Variants in DUOX1 observed in about 807,000 individuals in gnomAD.
DUOX1 encodes dual oxidase 1.
A neutral mutation model predicts 181.8 loss-of-function variants in DUOX1; 134 were observed. The ratio of observed to expected loss-of-function variants is 0.74; its 90% CI spans 0.64 to 0.85. The LOEUF (loss-of-function observed/expected upper bound fraction) is 0.85. Ranked by LOEUF, DUOX1 falls within the 40% of genes least tolerant of loss-of-function variation. The pLI is 0.00. For synonymous variants in DUOX1, 798 were observed against 832.5 expected, an observed-to-expected ratio of 0.96 and a Z score of 0.71; for missense variants, 1,814 against 2,064.4, an observed-to-expected ratio of 0.88 and a Z score of 2.35.
chr15:45,162,451 C>T, intron 31 of DUOX1, 74 bp downstream of exon 31: 1 of 1,548,558 alleles, frequency 6.5e-7, no homozygotes, highest in South Asian at 1.2e-5. Flanking sequence ...GTGCCTTTCT[C>T]CTCTGCCTTT....
chr15:45,158,798 G>C (rs1897028491), intron 28 of DUOX1, among the ~76,000 whole-genome samples: 1 of 151,642 alleles, frequency 6.6e-6, no homozygotes. Context: ...CAGCAGAAGG[G>C]GAGACTCTAA....
In DUOX1 at chr15:45,135,812, C is replaced by T; in HGVS notation, c.728C>T (p.Pro243Leu). The change falls in exon 7 of 34, where the codon CCC becomes CTC. Residue 243 changes from proline (P) to leucine (L), a missense_variant. By Grantham distance (98) the Pro-to-Leu change is moderately conservative (BLOSUM62 -3). Transcript: ENST00000389037. The stretch of plus-strand genomic sequence containing the variant: ...GGGGCAGAGAGAGGGAACCGGGAAC[C>T]CTTCCTGCAGGCGCTGGGCCTGCTC... ...AFGAERGNREPFLQALGLLWF... is the reference protein window; with the variant it reads ...AFGAERGNRELFLQALGLLWF... The T allele has an allele frequency of 6.9e-7, 1 of 1,445,734 alleles. No homozygotes were observed. Among genetic ancestry groups the T allele is most frequent in the Non-Finnish European group, 9.3e-7 (1 of 1,080,160 alleles). 89.6% of individuals were successfully genotyped at this position (1,445,734 alleles called of 1,614,324 possible).
chr15:45,157,861 G>T (rs1166118459), intron 28 of DUOX1, among the ~76,000 whole-genome samples: 2 of 151,852 alleles, frequency 1.3e-5, no homozygotes, highest in Non-Finnish European at 2.9e-5. Context: ...AAAGGTGGAG[G>T]CCTCTATGCT....
chr15:45,142,450 G>A (rs1389165661), intron 15 of DUOX1, among the ~76,000 whole-genome samples: 1 of 152,174 alleles, frequency 6.6e-6, no homozygotes, highest in Non-Finnish European at 1.5e-5. Flanking sequence ...CTAAGACGGG[G>A]CGCGGTGGCT....
intron 10 of DUOX1, 160 bp from the exon 11 acceptor site, chr15:45,138,906 G>A (rs1896410850): frequency 3.1e-6 from 2 of 644,260 alleles, no homozygotes; most frequent in Non-Finnish European, 5.3e-6. Context: ...CACCCTGAGT[G>A]GGGAATCAAC....
chr15:45,162,499 T>C (rs1897134826), intron 31 of DUOX1, 122 bp downstream of exon 31: 1 of 1,341,590 alleles, frequency 7.5e-7, no homozygotes, highest in East Asian at 2.4e-5. Context: ...GGCAAGTTGG[T>C]TTGAAACCTG....
chr15:45,164,062 G>T (rs1024627741), intron 33 of DUOX1, 144 bp downstream of exon 33: 8 of 1,306,788 alleles, frequency 6.1e-6, no homozygotes, highest in Non-Finnish European at 8.4e-6. Context: ...GGAATGGAAA[G>T]GATAGGTGGG....
Position 45,152,996 on chromosome 15 carries a change from G to A in DUOX1, c.3425-384G>A, listed in dbSNP as rs1368611229. 8 of 294,566 alleles carry A rather than the reference G, an allele frequency of 2.7e-5. No homozygotes were observed. The East Asian group carries it at 5.1e-4, about 19-fold the overall frequency. The allele number at this position is 294,566 out of a possible 1,614,324, so 18.2% of individuals were successfully genotyped here. On this transcript the variant is annotated intron_variant, in intron 25 of 33. Transcript: ENST00000389037. Reference sequence around the variant, plus strand: ...AGCACTTTGGGAAGCTGAGGCGGGCGGATCACTTGAGGTCAGGAGTTCGAG... The same window carrying A: ...AGCACTTTGGGAAGCTGAGGCGGGCAGATCACTTGAGGTCAGGAGTTCGAG...
intron 24 of DUOX1, 110 bp downstream of exon 24, chr15:45,152,162 G>A (rs1038367593): frequency 1.3e-6 from 2 of 1,485,672 alleles, no homozygotes; most frequent in African/African-American, 2.8e-5. Context: ...AGTGGAGCCT[G>A]TCTGAGTGAA....
intron 1 of DUOX1, 184 bp from the exon 2 acceptor site, chr15:45,131,734 T>C (rs767136341): frequency 1.2e-5 from 7 of 578,546 alleles, no homozygotes; most frequent in Non-Finnish European, 1.8e-5. Flanking sequence ...GGCTGGTATG[T>C]AGTGGTGCTC....
chr15:45,153,600 G>C, intron 26 of DUOX1, 121 bp downstream of exon 26: 1 of 1,066,532 alleles, frequency 9.4e-7, no homozygotes, highest in Non-Finnish European at 1.4e-6. Context: ...CTCCAGAGGA[G>C]ACTGTCACCT....
intron 26 of DUOX1, 193 bp from the exon 27 acceptor site, chr15:45,153,758 G>A (rs551438647): frequency 3.6e-5 from 23 of 636,666 alleles, no homozygotes; most frequent in East Asian, 2.2e-4. Context: ...ATGGTGGTGC[G>A]TGCCTGTAAT....
At chr15:45,161,657 G>A in intron 29 of DUOX1, 81 bp from the exon 30 acceptor site, 1 of 1,248,956 alleles carries the variant, frequency 8.0e-7, no homozygotes, top group Non-Finnish European at 1.2e-6. Context: ...GCAGAGCTGA[G>A]GCTGTGGGTG....
intron 28 of DUOX1, among the ~76,000 whole-genome samples, chr15:45,158,480 G>A (rs1461794140): frequency 5.3e-5 from 8 of 151,918 alleles, no homozygotes; most frequent in Non-Finnish European, 8.8e-5. Context: ...AGGCTGAGGC[G>A]GGTGGATTAC....
At chr15:45,155,473 G>A in intron 27 of DUOX1, 1 of 263,578 alleles carries the variant, frequency 3.8e-6, no homozygotes, top group Non-Finnish European at 7.2e-6. Context: ...GGCCGAGGCA[G>A]AAGAATCATT....
Position 45,163,641 on chromosome 15 carries a change from A to G in DUOX1, c.4358A>G (p.Tyr1453Cys). ...DHQDLVSVHI[Y>C]ITQLAEKFDL... Reference sequence around the variant, plus strand: ...CAGGACCTGGTGTCTGTGCACATCTACATCACCCAGCTGGCTGAGAAGTTC... The same window carrying G: ...CAGGACCTGGTGTCTGTGCACATCTGCATCACCCAGCTGGCTGAGAAGTTC... The change falls in exon 32 of 34, where the codon TAC (tyrosine) becomes TGC (cysteine). Residue 1453 changes from tyrosine (Y) to cysteine (C), a missense_variant. Transcript: ENST00000389037. 6.2e-7 allele frequency: 1 copy of G among 1,614,086 alleles called. No individual in the cohort carries two copies. Among genetic ancestry groups the G allele is most frequent in the Non-Finnish European group, 8.5e-7 (1 of 1,179,994 alleles).
rs540543924 is a variant in DUOX1 at position 45,158,824 on chromosome 15, C to T, written c.3703-2013C>T. Among the ~76,000 whole-genome samples the T allele has an allele frequency of 1.0e-3, 154 of 149,660 alleles. 3 individuals carry two copies. In the South Asian group the frequency reaches 0.031, roughly 30 times the overall value. On this transcript the variant is annotated intron_variant, in intron 28 of 33. Transcript: ENST00000389037. ...GAGACTCTAATCTCTTCCTTAGGAA[C>T]TTAGGATTCGCTGTGACAAAAAGTG...
intron 3 of DUOX1, 41 bp from the exon 4 acceptor site, chr15:45,134,104 C>T (rs774136628): frequency 4.5e-6 from 7 of 1,538,514 alleles, no homozygotes; most frequent in Non-Finnish European, 6.1e-6. Flanking sequence ...TCAAGAATGC[C>T]CCCTGAAGAT....
intron 27 of DUOX1, among the ~76,000 whole-genome samples, chr15:45,154,595 G>GTTTTTTTTTTTTTTTTTTTTTTTT (rs1193223968): frequency 1.4e-5 from 2 of 139,910 alleles, no homozygotes; most frequent in Non-Finnish European, 3.0e-5. Context: ...ACACAGCATG[G>GTTTTTTTTTTTTTTTTTTTTTTTT]TTTTTTTTTT....
Sources: allele counts gnomAD v4.1 joint callset (sites outside exome capture counted in the v4.1 genomes callset), GRCh38; gene constraint gnomAD v4.1.1; transcripts MANE v1.5; gene names NCBI Gene and HGNC (gene_info 2026-07-23, HGNC 2026-07-21).